Variants in PYROXD1 observed in about 807,000 individuals in gnomAD.
PYROXD1 encodes tRNA ligase complex-associated NAD(P)H dehydrogenase PYROXD1.
A neutral mutation model predicts 62.0 loss-of-function variants in PYROXD1; 42 were observed. That is an observed-to-expected ratio of 0.68 (90% CI 0.53 to 0.88). The LOEUF (loss-of-function observed/expected upper bound fraction) is 0.88, where lower values mean the gene tolerates loss of function less well. Ranked by LOEUF, PYROXD1 falls within the 40% of genes least tolerant of loss-of-function variation. The probability of loss-of-function intolerance (pLI) is 0.00; values close to 1 mark genes in which losing one functional copy is unlikely to be tolerated. For missense variants in PYROXD1, 493 were observed against 604.8 expected, an observed-to-expected ratio of 0.82 and a Z score of 1.94; for synonymous variants, 170 against 206.4, an observed-to-expected ratio of 0.82 and a Z score of 1.51.
intron 2 of PYROXD1, among the ~76,000 whole-genome samples, chr12:21,444,214 A>G (rs1157350236): frequency 6.6e-6 from 1 of 152,204 alleles, no homozygotes; most frequent in Admixed American, 6.5e-5. Flanking sequence ...CTTACTTCAC[A>G]GGGTTGTGAA....
intron 7 of PYROXD1, among the ~76,000 whole-genome samples, chr12:21,456,307 A>G (rs1942595959): frequency 6.6e-6 from 1 of 152,156 alleles, no homozygotes; most frequent in South Asian, 2.1e-4. Flanking sequence ...ATCTCAGCCT[A>G]CGTTTTAACT....
chr12:21,471,237 G>A lies in PYROXD1; in HGVS notation c.*2483G>A. 9.7e-7 allele frequency: 1 copy of A among 1,031,170 alleles called. No homozygotes were observed. 63.9% of individuals were successfully genotyped at this position (1,031,170 alleles called of 1,614,324 possible). On this transcript the variant is annotated 3_prime_UTR_variant, in exon 12 of 12. Transcript: ENST00000240651. Reference sequence around the variant, plus strand: ...TAAAATTTACAAGAATGCAAATAAAGCCTTTAAAGAAAATATTTTCGTTAC... The same window carrying A: ...TAAAATTTACAAGAATGCAAATAAAACCTTTAAAGAAAATATTTTCGTTAC...
intron 3 of PYROXD1, chr12:21,448,361 T>A (rs1270221291): frequency 3.8e-6 from 1 of 261,928 alleles, no homozygotes; most frequent in African/African-American, 2.2e-5. Context: ...ATAGTATGTT[T>A]TACTTTCACG....
intron 2 of PYROXD1, among the ~76,000 whole-genome samples, chr12:21,443,226 C>T (rs1334835597): frequency 6.6e-6 from 1 of 152,162 alleles, no homozygotes; most frequent in African/African-American, 2.4e-5. Flanking sequence ...TATTCTTTTT[C>T]TCCATTTTCC....
intron 10 of PYROXD1, among the ~76,000 whole-genome samples, chr12:21,465,448 T>G (rs1406877516): frequency 2.0e-5 from 3 of 152,238 alleles, no homozygotes; most frequent in Admixed American, 6.5e-5. Flanking sequence ...TCATTTGTCT[T>G]TTGGCTGCAT....
Position 21,462,036 on chromosome 12 carries a change from C to T in PYROXD1, c.909C>T (p.Thr303=), listed in dbSNP as rs1433889922. The T allele has an allele frequency of 6.2e-7, 1 of 1,610,868 alleles. No homozygotes were observed. The highest frequency in any genetic ancestry group is 8.5e-7 in the Non-Finnish European group (1 of 1,178,836). Residue 303 remains threonine, a synonymous_variant, in exon 9 of 12, where the codon ACC becomes ACT. Transcript: ENST00000240651. ...TGTGGCCTGTCTATGTGGAATTGAC[C>T]AATGAAAAGATATATGGCTGCGATT... is the stretch of plus-strand genomic sequence containing the variant. ...TEMWPVYVEL[T]NEKIYGCDFI...
Position 21,462,792 on chromosome 12 carries a change from C to G in PYROXD1, c.1046C>G (p.Ser349Cys), listed in dbSNP as rs374162830. The change falls in exon 10 of 12, where the codon TCC (serine) becomes TGC (cysteine). Residue 349 changes from serine (S) to cysteine (C), a missense_variant. This residue lies in a region of PYROXD1 where 329 missense variants were observed against 446.6 expected (regional missense o/e 0.74). Coordinates refer to ENST00000240651, the MANE Select transcript of PYROXD1 (RefSeq NM_024854.5). ...GLKVDDHMHTSLPDIYAAGDI... is the reference protein window; with the variant it reads ...GLKVDDHMHTCLPDIYAAGDI... ...AAAGTGGATGATCATATGCACACAT[C>G]CCTTCCTGATATCTATGCTGCCGGT... The G allele has an allele frequency of 3.7e-6, 6 of 1,613,714 alleles. No individual in the cohort carries two copies. In the African/African-American group the frequency reaches 8.0e-5, roughly 22 times the overall value.
rs752999723 is a variant in PYROXD1, at chr12:21,468,615, G to A, written c.1364G>A (p.Arg455Gln). ...EYIKVVMQNG[R>Q]MMGAVLIGET... ...ATCAAAGTCGTCATGCAAAATGGAC[G>A]AATGATGGGAGCTGTCTTAATTGGT... The change falls in exon 12 of 12, where the codon CGA (arginine) becomes CAA (glutamine). Residue 455 changes from arginine to glutamine, a missense_variant. Transcript: ENST00000240651. 118 of 1,613,042 alleles carry A rather than the reference G, an allele frequency of 7.3e-5. No homozygotes were observed. In the South Asian group the frequency reaches 9.2e-4, roughly 13 times the overall value.
chr12:21,471,221 C>T lies in PYROXD1; in HGVS notation c.*2467C>T. 35 of 1,103,732 alleles carry T rather than the reference C, an allele frequency of 3.2e-5. No individual in the cohort carries two copies. Among genetic ancestry groups the T allele is most frequent in the Non-Finnish European group, 4.4e-5 (35 of 790,246 alleles). The allele number at this position is 1,103,732 out of a possible 1,614,324, so 68.4% of individuals were successfully genotyped here. On this transcript the variant is annotated 3_prime_UTR_variant, in exon 12 of 12. Transcript: ENST00000240651. ...CATTGACTTGAAATAATAAAATTTA[C>T]AAGAATGCAAATAAAGCCTTTAAAG...
intron 5 of PYROXD1, among the ~76,000 whole-genome samples, chr12:21,454,504 T>C (rs1942558669): frequency 6.6e-6 from 1 of 152,012 alleles, no homozygotes; most frequent in Admixed American, 6.6e-5. Context: ...CATCTAAACC[T>C]AGAATAAAAT....
At chr12:21,460,749 A>G (rs1009208554) in intron 7 of PYROXD1, among the ~76,000 whole-genome samples, 2 of 152,170 alleles carry the variant, frequency 1.3e-5, no homozygotes, top group Non-Finnish European at 2.9e-5. Flanking sequence ...TAAAAAATGC[A>G]TTTGTAATTA....
chr12:21,467,302 T>G (rs1292487754), intron 10 of PYROXD1, 179 bp from the exon 11 acceptor site: 2 of 488,044 alleles, frequency 4.1e-6, no homozygotes, highest in African/African-American at 4.0e-5. Context: ...GTAATTTAGA[T>G]AGAATTAACA....
chr12:21,449,445 AG>A, intron 3 of PYROXD1, 117 bp from the exon 4 acceptor site: 1 of 836,006 alleles, frequency 1.2e-6, no homozygotes, highest in Non-Finnish European at 1.8e-6. Context: ...TGCCACCAAG[AG>A]GCAACCTTAA....
At chr12:21,447,270 A>G (rs2137251912) in intron 3 of PYROXD1, among the ~76,000 whole-genome samples, 1 of 152,352 alleles carries the variant, frequency 6.6e-6, no homozygotes, top group Non-Finnish European at 1.5e-5. Context: ...AAGTAATTTG[A>G]GAGAAAAAAG....
chr12:21,467,955 A>G (rs925075386), intron 11 of PYROXD1, among the ~76,000 whole-genome samples: 3 of 149,934 alleles, frequency 2.0e-5, no homozygotes, highest in African/African-American at 7.6e-5. Context: ...AAAATAAACC[A>G]AGAGCTTTCC....
intron 5 of PYROXD1, among the ~76,000 whole-genome samples, chr12:21,452,632 C>T (rs1942522505): frequency 6.6e-6 from 1 of 152,050 alleles, no homozygotes; most frequent in Admixed American, 6.6e-5. Context: ...GTTCTTGCAG[C>T]TCTTTTTTTG....
intron 7 of PYROXD1, among the ~76,000 whole-genome samples, chr12:21,458,421 C>T (rs565384109): frequency 2.0e-4 from 30 of 152,302 alleles, no homozygotes; most frequent in Non-Finnish European, 3.4e-4. Context: ...AAGACTGTTT[C>T]GCTTTCTCAT....
At chr12:21,457,602 C>T (rs368309585) in intron 7 of PYROXD1, among the ~76,000 whole-genome samples, 1 of 151,930 alleles carries the variant, frequency 6.6e-6, no homozygotes, top group East Asian at 1.9e-4. Flanking sequence ...CATGGTCCCA[C>T]GGGCTGTACA....
chr12:21,446,355 G>A (rs1264876262), intron 3 of PYROXD1, among the ~76,000 whole-genome samples: 1 of 152,052 alleles, frequency 6.6e-6, no homozygotes, highest in Non-Finnish European at 1.5e-5. Flanking sequence ...AACCCGGGAG[G>A]CGGAGCTTGC....
Sources: allele counts gnomAD v4.1 joint callset (sites outside exome capture counted in the v4.1 genomes callset), GRCh38; gene constraint gnomAD v4.1.1; regional missense constraint gnomAD v4.1.1; transcripts MANE v1.5; gene names NCBI Gene and HGNC (gene_info 2026-07-23, HGNC 2026-07-21).